Variants in TDRD1 observed in about 807,000 individuals in gnomAD.
TDRD1 encodes the protein tudor domain containing 1.
TDRD1 carries 37 observed loss-of-function variants against 140.6 expected under a neutral mutation model. The ratio of observed to expected loss-of-function variants is 0.26; its 90% CI spans 0.20 to 0.35. The LOEUF (loss-of-function observed/expected upper bound fraction) is 0.35. Ranked by LOEUF, TDRD1 falls within the 10% of genes least tolerant of loss-of-function variation. The pLI is 1.00. For synonymous variants in TDRD1, 506 were observed against 475.7 expected, an observed-to-expected ratio of 1.06 and a Z score of -0.83; for missense variants, 1,243 against 1,393.0, an observed-to-expected ratio of 0.89 and a Z score of 1.71.
chr10:114,194,923 CTTT>C (rs34458557), intron 3 of TDRD1, among the ~76,000 whole-genome samples: 1 of 132,460 alleles, frequency 7.5e-6, no homozygotes, highest in African/African-American at 2.8e-5. Context: ...CCACACCTGG[CTTT>C]TTTTTTTTTT....
At chr10:114,183,417 GATTC>G (rs773776140) in intron 1 of TDRD1, among the ~76,000 whole-genome samples, 25 of 152,214 alleles carry the variant, frequency 1.6e-4, no homozygotes, top group Middle Eastern at 3.4e-3. Context: ...CTATAAAAAT[GATTC>G]ATTCAATATA....
At chr10:114,217,790 A>G in intron 17 of TDRD1, 135 bp downstream of exon 17, 1 of 585,326 alleles carries the variant, frequency 1.7e-6, no homozygotes, top group Non-Finnish European at 3.1e-6. Flanking sequence ...TTACAATGTC[A>G]TGTGTTTTTC....
intron 4 of TDRD1, among the ~76,000 whole-genome samples, chr10:114,200,681 A>G (rs1305278263): frequency 6.6e-6 from 1 of 151,412 alleles, no homozygotes; most frequent in African/African-American, 2.4e-5. Flanking sequence ...GCACCACCAC[A>G]CTGGGCTTAT....
chr10:114,202,668 A>G (rs1180892119), intron 6 of TDRD1, among the ~76,000 whole-genome samples: 1 of 152,242 alleles, frequency 6.6e-6, no homozygotes, highest in African/African-American at 2.4e-5. Flanking sequence ...TCCGAAAAAC[A>G]TCCGTCGTGT....
At chr10:114,201,602 C>T (rs2034747143) in intron 5 of TDRD1, 87 bp downstream of exon 5, 2 of 1,062,484 alleles carry the variant, frequency 1.9e-6, no homozygotes, top group Admixed American at 4.4e-5. Context: ...CAGACCACAA[C>T]CAAGTAGAAG....
chr10:114,221,214 A>G, intron 19 of TDRD1, 143 bp from the exon 20 acceptor site: 1 of 942,534 alleles, frequency 1.1e-6, no homozygotes. Flanking sequence ...TTGTTTTGTG[A>G]AAAAATACAG....
intron 11 of TDRD1, among the ~76,000 whole-genome samples, chr10:114,206,773 C>T (rs1005332697): frequency 6.6e-6 from 1 of 152,034 alleles, no homozygotes; most frequent in Non-Finnish European, 1.5e-5. Context: ...GCTAGCACGC[C>T]CAGCTAATTT....
intron 6 of TDRD1, 40 bp downstream of exon 6, chr10:114,202,338 T>C (rs2034805969): frequency 6.0e-6 from 8 of 1,343,684 alleles, no homozygotes; most frequent in Non-Finnish European, 8.3e-6. Context: ...ATAACTCCTC[T>C]TTATTGAATT....
At chr10:114,187,794 A>C (rs535655152) in intron 1 of TDRD1, 32 bp from the exon 2 acceptor site, 5 of 1,502,702 alleles carry the variant, frequency 3.3e-6, no homozygotes, top group Non-Finnish European at 4.4e-6. Flanking sequence ...TTGAAATTAA[A>C]AGTTGTCTCT....
intron 1 of TDRD1, among the ~76,000 whole-genome samples, chr10:114,182,892 G>T (rs2033201294): frequency 6.6e-6 from 1 of 151,886 alleles, no homozygotes; most frequent in Non-Finnish European, 1.5e-5. Context: ...CACTGTGTTA[G>T]CCAGGATGGT....
intron 1 of TDRD1, 107 bp from the exon 2 acceptor site, chr10:114,187,719 A>G: frequency 2.0e-6 from 2 of 1,017,504 alleles, no homozygotes; most frequent in Non-Finnish European, 2.9e-6. Context: ...ATTGTTTTAT[A>G]GGCATTATCT....
intron 23 of TDRD1, 44 bp downstream of exon 23, chr10:114,227,343 G>T (rs764412733): frequency 1.5e-6 from 2 of 1,332,930 alleles, no homozygotes; most frequent in Admixed American, 3.4e-5. Flanking sequence ...TAAGTGTGAG[G>T]AATAACAGAT....
chr10:114,191,558 C>T (rs966547860), intron 3 of TDRD1, among the ~76,000 whole-genome samples: 3 of 152,188 alleles, frequency 2.0e-5, no homozygotes, highest in Admixed American at 6.5e-5. Context: ...ATGCATCAAT[C>T]GTTCTATCCT....
At chr10:114,195,184 A>T (rs1013326769) in intron 3 of TDRD1, among the ~76,000 whole-genome samples, 3 of 152,110 alleles carry the variant, frequency 2.0e-5, no homozygotes, top group Non-Finnish European at 4.4e-5. Context: ...TTCTAGTTTG[A>T]GTCTATTGTG....
At chr10:114,175,452 A>G (rs888807716), upstream of TDRD1, among the ~76,000 whole-genome samples, 1 of 152,204 alleles carries the variant, frequency 6.6e-6, no homozygotes, top group African/African-American at 2.4e-5. Flanking sequence ...ATTTACAAAT[A>G]TCAGAATTAA....
Position 114,207,647 on chromosome 10 carries a change from G to C in TDRD1, c.1384+1317G>C, listed in dbSNP as rs950247399. 4.6e-5 allele frequency among the ~76,000 whole-genome samples: 7 copies of C among 152,052 alleles called. No homozygotes were observed. The East Asian group carries it at 1.2e-3, about 25-fold the overall frequency. On this transcript the variant is annotated intron_variant, in intron 11 of 25. Coordinates refer to ENST00000251864, the Ensembl canonical transcript of TDRD1. ...AAACCGTAGGTTCTGGTGCAATAGA[G>C]TGAGGAAGAATGAGGAAGATGAAGC...
At chr10:114,184,267 T>C (rs1227004169) in intron 1 of TDRD1, among the ~76,000 whole-genome samples, 1 of 152,178 alleles carries the variant, frequency 6.6e-6, no homozygotes, top group Non-Finnish European at 1.5e-5. Flanking sequence ...TGCCTTTTTG[T>C]CATTTATTTT....
At chr10:114,201,636 C>A in intron 5 of TDRD1, 121 bp downstream of exon 5, 1 of 696,058 alleles carries the variant, frequency 1.4e-6, no homozygotes, top group Non-Finnish European at 2.4e-6. Flanking sequence ...AGCTCTATAA[C>A]AAAGTGTACA....
chr10:114,215,659 G>C (rs1308381969), intron 16 of TDRD1, among the ~76,000 whole-genome samples: 2 of 152,146 alleles, frequency 1.3e-5, no homozygotes, highest in Admixed American at 1.3e-4. Flanking sequence ...ATAGTTGTGA[G>C]ATTTGTCATT....
Sources: allele counts gnomAD v4.1 joint callset (sites outside exome capture counted in the v4.1 genomes callset), GRCh38; gene constraint gnomAD v4.1.1; transcripts MANE v1.5; gene names NCBI Gene and HGNC (gene_info 2026-07-23, HGNC 2026-07-21).